Variants in SGIP1 observed in about 807,000 individuals in gnomAD.
The protein encoded by SGIP1 is SH3GL interacting endocytic adaptor 1, also known as SH3-containing GRB2-like protein 3-interacting protein 1.
In SGIP1, 38 loss-of-function variants were observed where a neutral mutation model predicts 107.5. That is an observed-to-expected ratio of 0.35 (90% confidence interval 0.27 to 0.46). SGIP1 has a LOEUF of 0.46. Among genes scored for constraint, SGIP1 ranks in the 20% least tolerant of loss-of-function variants. SGIP1 has a pLI of 1.00. For synonymous variants in SGIP1, 365 were observed against 366.1 expected, an observed-to-expected ratio of 1.00 and a Z score of 0.03; for missense variants, 929 against 1,019.5, an observed-to-expected ratio of 0.91 and a Z score of 1.21.
chr1:66,684,378 C>G (rs564338777), intron 15 of SGIP1, among the ~76,000 whole-genome samples: 21 of 152,332 alleles, frequency 1.4e-4, no homozygotes, highest in Admixed American at 4.6e-4. Context: ...TAGAGGGTTA[C>G]AGCATCCATC....
intron 1 of SGIP1, among the ~76,000 whole-genome samples, chr1:66,586,565 T>G (rs1039041947): frequency 6.6e-6 from 1 of 152,134 alleles, no homozygotes; most frequent in Admixed American, 6.6e-5. Context: ...TTTTACCAAT[T>G]TGAGTAAAGT....
intron 1 of SGIP1, among the ~76,000 whole-genome samples, chr1:66,577,437 C>T (rs920987): frequency 0.34 from 51,302 of 152,010 alleles, 9,311 homozygotes; most frequent in African/African-American, 0.48. Context: ...CTGCTTTTAA[C>T]CTAATCTAAC....
chr1:66,549,641 C>G (rs2057086776), intron 1 of SGIP1, among the ~76,000 whole-genome samples: 1 of 152,110 alleles, frequency 6.6e-6, no homozygotes, highest in Non-Finnish European at 1.5e-5. Context: ...ATCAGCACCC[C>G]CATGCTTGTG....
intron 1 of SGIP1, among the ~76,000 whole-genome samples, chr1:66,622,769 T>G (rs953309249): frequency 6.6e-6 from 1 of 152,190 alleles, no homozygotes; most frequent in Admixed American, 6.5e-5. Context: ...TCCCTTTAGA[T>G]GTTTTTGTTT....
chr1:66,704,505 T>TTGTA (rs2092318082), intron 18 of SGIP1: 1 of 152,198 alleles, frequency 6.6e-6, no homozygotes, highest in Non-Finnish European at 1.5e-5. Flanking sequence ...GATTTGTAAA[T>TTGTA]CATAGCATTT....
chr1:66,560,489 A>G (rs563047942), intron 1 of SGIP1, among the ~76,000 whole-genome samples: 1 of 152,192 alleles, frequency 6.6e-6, no homozygotes, highest in Admixed American at 6.6e-5. Context: ...GACACTAGAT[A>G]AATTTTACAG....
chr1:66,590,609 A>T (rs1192874566), intron 1 of SGIP1: 1 of 152,140 alleles, frequency 6.6e-6, no homozygotes, highest in Non-Finnish European at 1.5e-5. Context: ...CTTAGTAGGT[A>T]AATGAATAAA....
intron 21 of SGIP1, among the ~76,000 whole-genome samples, chr1:66,734,635 G>T (rs1307928046): frequency 6.6e-6 from 1 of 151,686 alleles, no homozygotes; most frequent in African/African-American, 2.4e-5. Flanking sequence ...CTCCTGAGTA[G>T]CTAGGAATAC....
chr1:66,642,185 C>T (rs1178391843), intron 5 of SGIP1, among the ~76,000 whole-genome samples: 1 of 152,156 alleles, frequency 6.6e-6, no homozygotes, highest in Non-Finnish European at 1.5e-5. Context: ...CTCATCTCCC[C>T]ATCTCCCGCT....
In SGIP1 at chr1:66,689,180, T is replaced by G; in HGVS notation, c.1348T>G (p.Leu450Val). The change falls in exon 16 of 25, where the codon TTG (leucine) becomes GTG (valine). Residue 450 changes from leucine (L) to valine (V), a missense_variant. Around this residue, in one of 2 missense-constraint regions of SGIP1, gnomAD observed 588 missense variants for 588.6 expected, o/e 1.00. Coordinates refer to ENST00000371037, the MANE Select transcript of SGIP1 (RefSeq NM_032291.4). ...ASSPARPATP[L>V]VPCRSTTPPP... ...ATCCCCTGCTCGACCAGCCACTCCT[T>G]TGGTTCCTTGCAGAAGTACCACTCC... The G allele has an allele frequency of 6.2e-7, 1 of 1,613,688 alleles. No homozygotes were observed. Among genetic ancestry groups the G allele is most frequent in the Non-Finnish European group, 8.5e-7 (1 of 1,179,800 alleles).
intron 18 of SGIP1, among the ~76,000 whole-genome samples, chr1:66,712,283 A>T (rs1250830466): frequency 6.6e-6 from 1 of 152,192 alleles, no homozygotes; most frequent in Non-Finnish European, 1.5e-5. Context: ...ATTCACATTA[A>T]ATGTAAAAAC....
chr1:66,659,986 G>C, intron 7 of SGIP1: 1 of 79,544 alleles, frequency 1.3e-5, no homozygotes, highest in African/African-American at 8.3e-5. Flanking sequence ...AAGAAAGAAA[G>C]AAAGAAAGAA....
intron 1 of SGIP1, among the ~76,000 whole-genome samples, chr1:66,623,834 G>A (rs557253049): frequency 6.6e-6 from 1 of 152,262 alleles, no homozygotes; most frequent in East Asian, 1.9e-4. Context: ...TGCTGGGAAT[G>A]GACTCTCTGC....
At chr1:66,575,016 CA>C (rs2060876007) in intron 1 of SGIP1, among the ~76,000 whole-genome samples, 1 of 152,120 alleles carries the variant, frequency 6.6e-6, no homozygotes, top group South Asian at 2.1e-4. Context: ...TGTGGGCAAG[CA>C]TATGACTTGA....
intron 8 of SGIP1, among the ~76,000 whole-genome samples, chr1:66,662,142 C>T (rs2081621263): frequency 6.6e-6 from 1 of 152,116 alleles, no homozygotes; most frequent in Non-Finnish European, 1.5e-5. Flanking sequence ...CACCCTAAAG[C>T]ATTTAAAAAA....
In SGIP1 at chr1:66,743,757, A is replaced by G. The variant is rs1046960823; in HGVS notation, c.*662A>G. 10 of 152,640 alleles carry G rather than the reference A, an allele frequency of 6.6e-5. No homozygotes were observed. The highest frequency in any genetic ancestry group is 1.5e-4 in the Non-Finnish European group (10 of 68,008). 9.5% of individuals were successfully genotyped at this position (152,640 alleles called of 1,614,324 possible). On this transcript the variant is annotated 3_prime_UTR_variant, in exon 25 of 25. Transcript: ENST00000371037. ...AAAAAGCTTTTTTTTCAAACTGCAAATTTCATAAAAATGCAAACTGTGTAA... is the reference window on the plus strand; with the variant it reads ...AAAAAGCTTTTTTTTCAAACTGCAAGTTTCATAAAAATGCAAACTGTGTAA...
At position 66,636,003 on chromosome 1, in the gene SGIP1, A is replaced by C. The variant is rs756752602; in HGVS notation, c.159A>C (p.Gly53=). The stretch of plus-strand genomic sequence containing the variant: ...AAGCAGAGTGTGCGCGTGAAGGAGG[A>C]AAAAAAGTTTCGGTAAGGAAACAGA... ...NSKAECAREG[G]KKVSKKSNGA... Residue 53 remains glycine, a synonymous_variant, in exon 4 of 25, where the codon GGA becomes GGC. Transcript: ENST00000371037. The C allele has an allele frequency of 4.3e-6, 7 of 1,613,340 alleles. No homozygotes were observed. Among genetic ancestry groups the C allele is most frequent in the Middle Eastern group, 1.7e-4 (1 of 6,056 alleles).
intron 1 of SGIP1, among the ~76,000 whole-genome samples, chr1:66,607,539 G>A (rs527917973): frequency 2.8e-4 from 42 of 152,326 alleles, no homozygotes; most frequent in African/African-American, 9.6e-4. Context: ...TTGTCACTCT[G>A]TCACTAAAAT....
chr1:66,739,387 G>C lies in SGIP1; in HGVS notation c.2084G>C (p.Arg695Pro). 1 of 1,610,650 alleles carries C rather than the reference G, an allele frequency of 6.2e-7. No individual in the cohort carries two copies. Among genetic ancestry groups the C allele is most frequent in the Non-Finnish European group, 8.5e-7 (1 of 1,180,000 alleles). ...STPLNLAVNWRCEPSSTDLRI... is the reference protein window; with the variant it reads ...STPLNLAVNWPCEPSSTDLRI... ...CCTCTGAACCTGGCAGTGAATTGGC[G>C]ATGTGAGCCTTCAAGCACTGACCTG... is the stretch of plus-strand genomic sequence containing the variant. Residue 695 changes from arginine to proline, a missense_variant, in exon 22 of 25, where the codon CGA becomes CCA. Arg to Pro is a moderately radical substitution (Grantham distance 103). Around this residue, in one of 2 missense-constraint regions of SGIP1, gnomAD observed 341 missense variants for 430.9 expected, o/e 0.79. Coordinates refer to ENST00000371037, the MANE Select transcript of SGIP1 (RefSeq NM_032291.4).
Sources: allele counts gnomAD v4.1 joint callset (sites outside exome capture counted in the v4.1 genomes callset), GRCh38; gene constraint gnomAD v4.1.1; regional missense constraint gnomAD v4.1.1; transcripts MANE v1.5; gene names NCBI Gene and HGNC (gene_info 2026-07-23, HGNC 2026-07-21).